Variants in FAXC observed in about 807,000 individuals in gnomAD.
FAXC encodes the protein failed axon connections homolog, metaxin like GST domain containing.
Under a neutral mutation model 41.9 loss-of-function variants are expected in FAXC, and 10 were observed. The observed-to-expected ratio is 0.24, with a 90% CI of 0.15 to 0.41. The LOEUF (loss-of-function observed/expected upper bound fraction) is 0.41. Ranked by LOEUF, FAXC falls within the 10% of genes least tolerant of loss-of-function variation. The probability of loss-of-function intolerance (pLI) is 1.00; values close to 1 mark genes in which losing one functional copy is unlikely to be tolerated. For missense variants in FAXC, 399 were observed against 510.9 expected (o/e 0.78, Z 2.11); for synonymous variants, 183 against 183.8 (o/e 1.00, Z 0.03).
At chr6:99,282,438 A>G (rs1053937128) in intron 5 of FAXC, among the ~76,000 whole-genome samples, 2 of 152,210 alleles carry the variant, frequency 1.3e-5, no homozygotes, top group African/African-American at 4.8e-5. Flanking sequence ...CACACTTAGT[A>G]TAAGATATTT....
chr6:99,274,420 G>A lies in FAXC; in HGVS notation c.*6744C>T, dbSNP rs1770526734. The stretch of plus-strand genomic sequence containing the variant: ...CCACAGCCATACCACATGGTTGCTT[G>A]AAATTTTGACATTTGTTACTGTTTT... On this transcript the variant is annotated 3_prime_UTR_variant, in exon 6 of 6. Coordinates refer to ENST00000389677, the MANE Select transcript of FAXC (RefSeq NM_032511.4). 1 of 151,916 alleles carries A rather than the reference G, an allele frequency of 6.6e-6. No homozygotes were observed. Among genetic ancestry groups the A allele is most frequent in the Non-Finnish European group, 1.5e-5 (1 of 68,014 alleles). The allele number at this position is 151,916 out of a possible 1,614,324, so 9.4% of individuals were successfully genotyped here.
At chr6:99,307,780 T>G (rs976192945) in intron 4 of FAXC, among the ~76,000 whole-genome samples, 2 of 152,168 alleles carry the variant, frequency 1.3e-5, no homozygotes, top group Admixed American at 1.3e-4. Flanking sequence ...AGCGCTGCGA[T>G]GCCTACAGTG....
intron 3 of FAXC, among the ~76,000 whole-genome samples, chr6:99,329,737 G>A (rs938300245): frequency 1.3e-5 from 2 of 151,710 alleles, no homozygotes; most frequent in Non-Finnish European, 2.9e-5. Context: ...AAAAGATCTT[G>A]GTTAAGTCAA....
intron 4 of FAXC, among the ~76,000 whole-genome samples, chr6:99,296,748 A>C (rs1228738658): frequency 6.6e-6 from 1 of 152,200 alleles, no homozygotes; most frequent in Non-Finnish European, 1.5e-5. Context: ...ACCAGGGATA[A>C]AATACAAGGA....
chr6:99,281,510 C>T (rs1770835718), intron 5 of FAXC, 57 bp from the exon 6 acceptor site: 4 of 1,358,844 alleles, frequency 2.9e-6, no homozygotes, highest in Non-Finnish European at 4.1e-6. Context: ...TCTACCACTT[C>T]TATGGTCTGT....
chr6:99,332,489 T>A (rs2128462555), intron 3 of FAXC, among the ~76,000 whole-genome samples: 1 of 152,204 alleles, frequency 6.6e-6, no homozygotes, highest in South Asian at 2.1e-4. Flanking sequence ...AGAAAATGGA[T>A]GAAAGAAAAA....
chr6:99,288,531 GATTAA>G (rs1161148052), intron 5 of FAXC, among the ~76,000 whole-genome samples: 7 of 152,236 alleles, frequency 4.6e-5, no homozygotes, highest in South Asian at 2.1e-4. Context: ...TGGAAAATGT[GATTAA>G]ATTAAAGGGA....
chr6:99,308,147 A>C (rs1772001442), intron 4 of FAXC, among the ~76,000 whole-genome samples: 1 of 152,088 alleles, frequency 6.6e-6, no homozygotes, highest in African/African-American at 2.4e-5. Context: ...AAATACAAAA[A>C]TTACCCAGGC....
At chr6:99,340,666 C>CTTTTAT (rs1773390803) in intron 2 of FAXC, among the ~76,000 whole-genome samples, 1 of 96,952 alleles carries the variant, frequency 1.0e-5, no homozygotes, top group Admixed American at 1.1e-4. Flanking sequence ...GCTAAAATTC[C>CTTTTAT]TTTTTTTTTT....
At chr6:99,283,298 CTTCT>C (rs1770903988) in intron 5 of FAXC, among the ~76,000 whole-genome samples, 1 of 152,194 alleles carries the variant, frequency 6.6e-6, no homozygotes, top group Admixed American at 6.5e-5. Context: ...TTTGGTGTAA[CTTCT>C]TTCAGTATTT....
chr6:99,281,340 T>C lies in FAXC; in HGVS notation c.1054A>G (p.Ser352Gly). The C allele has an allele frequency of 1.2e-6, 2 of 1,614,222 alleles. No individual in the cohort carries two copies. The highest frequency in any genetic ancestry group is 2.7e-5 in the African/African-American group (2 of 75,072). The change falls in exon 6 of 6, where the codon AGC (serine) becomes GGC (glycine). Residue 352 changes from serine to glycine, a missense_variant. Coordinates refer to ENST00000389677, the MANE Select transcript of FAXC (RefSeq NM_032511.4). ...TCCAGCAGCGGGGTGTGGGTTTTGC[T>C]GCCTTCGCTGCTCTCCTCAGACTCA... ...IYESEESSEG[S>G]KTHTPLLDFS...
At chr6:99,290,132 C>CACACACACACACAT (rs1554198183) in intron 5 of FAXC, among the ~76,000 whole-genome samples, 1 of 151,478 alleles carries the variant, frequency 6.6e-6, no homozygotes, top group African/African-American at 2.4e-5. Context: ...CACACACACA[C>CACACACACACACAT]ACACATACAC....
chr6:99,294,302 G>T (rs1375830348), intron 4 of FAXC, among the ~76,000 whole-genome samples: 2 of 152,208 alleles, frequency 1.3e-5, no homozygotes, highest in Non-Finnish European at 2.9e-5. Context: ...GGTGCATCCC[G>T]CTGGCGCCAT....
chr6:99,341,991 G>C (rs954142499), intron 2 of FAXC, among the ~76,000 whole-genome samples: 1 of 152,084 alleles, frequency 6.6e-6, no homozygotes, highest in Admixed American at 6.5e-5. Flanking sequence ...AAAATACATA[G>C]AATTGAATGA....
chr6:99,309,450 A>G (rs558825752), intron 4 of FAXC, among the ~76,000 whole-genome samples: 2 of 152,170 alleles, frequency 1.3e-5, no homozygotes, highest in Non-Finnish European at 2.9e-5. Flanking sequence ...GCTAAAACTA[A>G]TTTTTTCATT....
intron 3 of FAXC, among the ~76,000 whole-genome samples, chr6:99,328,508 A>G (rs4840032): frequency 0.38 from 57,538 of 152,036 alleles, 11,291 homozygotes; most frequent in South Asian, 0.56. Flanking sequence ...TCTGCTCTTT[A>G]TGAGCCACCC....
intron 5 of FAXC, among the ~76,000 whole-genome samples, chr6:99,287,493 C>G (rs1771070404): frequency 6.6e-6 from 1 of 152,112 alleles, no homozygotes; most frequent in Non-Finnish European, 1.5e-5. Flanking sequence ...GCCTGTCCTC[C>G]TGCTCATCTA....
intron 4 of FAXC, among the ~76,000 whole-genome samples, chr6:99,318,381 T>C (rs1351437154): frequency 6.6e-6 from 1 of 151,446 alleles, no homozygotes; most frequent in Non-Finnish European, 1.5e-5. Context: ...ATAAAAATAT[T>C]GGAAACATAT....
At chr6:99,346,347 A>G (rs1773592676) in intron 1 of FAXC, among the ~76,000 whole-genome samples, 1 of 152,096 alleles carries the variant, frequency 6.6e-6, no homozygotes, top group Admixed American at 6.6e-5. Context: ...TCAGTTCTCC[A>G]CATTTCTCTT....
Sources: gnomAD v4.1 joint callset for allele counts (sites outside exome capture counted in the v4.1 genomes callset) on GRCh38, gnomAD v4.1.1 for gene constraint, MANE v1.5 for transcripts, NCBI Gene and HGNC (gene_info 2026-07-23, HGNC 2026-07-21) for gene names.